Variants in PCLO observed in about 807,000 individuals in gnomAD.
PCLO encodes protein piccolo.
Under a neutral mutation model 427.5 loss-of-function variants are expected in PCLO, and 82 were observed. The ratio of observed to expected loss-of-function variants is 0.19; its 90% CI spans 0.16 to 0.23. The LOEUF (loss-of-function observed/expected upper bound fraction) is 0.23, where lower values mean the gene tolerates loss of function less well. Among genes scored for constraint, PCLO ranks in the 10% least tolerant of loss-of-function variants. PCLO has a pLI of 1.00. For synonymous variants in PCLO, 2,357 were observed against 2,155.4 expected (o/e 1.09, Z -2.59); for missense variants, 6,239 against 6,115.9 (o/e 1.02, Z -0.67).
chr7:83,075,355 T>G (rs2116372870), intron 3 of PCLO, among the ~76,000 whole-genome samples: 1 of 152,288 alleles, frequency 6.6e-6, no homozygotes, highest in Middle Eastern at 3.4e-3. Context: ...TCTGAGGACC[T>G]CAGTGAGATT....
chr7:82,978,835 AACACACACACACACACACACAAAC>A (rs1215515705), intron 3 of PCLO, among the ~76,000 whole-genome samples: 21 of 129,812 alleles, frequency 1.6e-4, no homozygotes, highest in African/African-American at 6.0e-4. Context: ...AGGAACAAGA[AACACACACACACACACACACAAAC>A]ACACACACAC....
intron 3 of PCLO, among the ~76,000 whole-genome samples, chr7:83,102,244 TATCTC>T (rs1790755140): frequency 2.0e-5 from 3 of 151,034 alleles, no homozygotes; most frequent in Admixed American, 6.7e-5. Flanking sequence ...ATTATTTACA[TATCTC>T]ATGACCTCAA....
At chr7:82,791,719 G>A (rs1023045178) in intron 22 of PCLO, among the ~76,000 whole-genome samples, 2 of 151,566 alleles carry the variant, frequency 1.3e-5, no homozygotes, top group African/African-American at 4.9e-5. Context: ...GTTGACCAAG[G>A]GCTTCTTTTC....
At position 82,915,094 on chromosome 7, in the gene PCLO, C is replaced by CAGAGGAAGGTCT; in HGVS notation, c.12880_12891dup (p.Arg4294_Ser4297dup). 6.2e-7 allele frequency: 1 copy of CAGAGGAAGGTCT among 1,600,816 alleles called. No individual in the cohort carries two copies. The highest frequency in any genetic ancestry group is 8.5e-7 in the Non-Finnish European group (1 of 1,173,048). On this transcript the variant is annotated inframe_insertion, in exon 7 of 25. Coordinates refer to ENST00000333891, the MANE Select transcript of PCLO (RefSeq NM_033026.6). ...TTAATTGATAAATCAAGCCCATAGA[C>CAGAGGAAGGTCT]AGAGGAAGGTCTGGAGGAAGGTCTG... is the stretch of plus-strand genomic sequence containing the variant.
Position 83,024,155 on chromosome 7 carries a change from G to A in PCLO, c.3301-57668C>T, listed in dbSNP as rs138592301. Among the ~76,000 whole-genome samples, 1,337 of 152,308 alleles carry A rather than the reference G, an allele frequency of 8.8e-3. 13 individuals carry two copies. Among genetic ancestry groups the A allele is most frequent in the African/African-American group, 0.029 (1,211 of 41,578 alleles). ...GTCTACAGCTCCCAGCGTGAGCGAC[G>A]CAGAAGACGGGTGATTTCTGCATTT... On this transcript the variant is annotated intron_variant, in intron 3 of 24. Transcript: ENST00000333891.
In PCLO at chr7:83,162,537, G is replaced by T. The variant is rs1442186330; in HGVS notation, c.56C>A (p.Ala19Asp). 6.4e-7 allele frequency: 1 copy of T among 1,553,182 alleles called. No homozygotes were observed. The highest frequency in any genetic ancestry group is 8.7e-7 in the Non-Finnish European group (1 of 1,149,738). ...GEGLPEGLAA[A>D]AAAGGGASGA... The stretch of plus-strand genomic sequence containing the variant: ...GCTAGCTCCTCCTCCAGCCGCTGCG[G>T]CCGCCGCCAGCCCTTCGGGGAGCCC... Residue 19 changes from alanine (A) to aspartate (D), a missense_variant, in exon 1 of 25, where the codon GCC becomes GAC. By Grantham distance (126) the Ala-to-Asp change is moderately radical. Transcript: ENST00000333891.
intron 20 of PCLO, among the ~76,000 whole-genome samples, chr7:82,815,189 T>C (rs1791652381): frequency 6.6e-6 from 1 of 151,974 alleles, no homozygotes; most frequent in South Asian, 2.1e-4. Flanking sequence ...CTATTTTTGG[T>C]TAAAAACGAA....
chr7:83,021,625 A>G (rs1788345438), intron 3 of PCLO, among the ~76,000 whole-genome samples: 1 of 152,150 alleles, frequency 6.6e-6, no homozygotes. Context: ...TTCCTGATAT[A>G]ATTACCAGCA....
Position 82,915,605 on chromosome 7 carries a change from C to A in PCLO, c.12381G>T (p.Gln4127His). The A allele has an allele frequency of 1.2e-6, 2 of 1,613,512 alleles. No individual in the cohort carries two copies. Among genetic ancestry groups the A allele is most frequent in the Non-Finnish European group, 1.7e-6 (2 of 1,179,650 alleles). The change falls in exon 7 of 25, where the codon CAG (glutamine) becomes CAT (histidine). Residue 4127 changes from glutamine (Q) to histidine (H), a missense_variant. Around this residue, in one of 5 missense-constraint regions of PCLO, gnomAD observed 680 missense variants for 677.3 expected, o/e 1.00. Transcript: ENST00000333891. ...DPYELKLLKH[Q>H]IKQEFRRGTE... ...TCCCTCTACGAAATTCCTGTTTAAT[C>A]TGATGTTTCAGAAGCTTTAACTCGT...
intron 1 of PCLO, among the ~76,000 whole-genome samples, chr7:83,157,552 C>T (rs2116698160): frequency 6.6e-6 from 1 of 151,776 alleles, no homozygotes; most frequent in South Asian, 2.1e-4. Context: ...AAACATGATA[C>T]ATTTTAAATG....
intron 7 of PCLO, among the ~76,000 whole-genome samples, chr7:82,910,153 TA>T (rs1438591460): frequency 2.0e-5 from 3 of 152,066 alleles, no homozygotes; most frequent in Non-Finnish European, 4.4e-5. Flanking sequence ...GCTTATCCTT[TA>T]AAGATTTGTT....
At chr7:82,808,753 A>C (rs943152672) in intron 20 of PCLO, among the ~76,000 whole-genome samples, 2 of 151,946 alleles carry the variant, frequency 1.3e-5, no homozygotes, top group Non-Finnish European at 2.9e-5. Context: ...AATTCAAATG[A>C]ATCTAGTTAT....
At chr7:83,104,259 T>C (rs1790801352) in intron 3 of PCLO, among the ~76,000 whole-genome samples, 1 of 152,020 alleles carries the variant, frequency 6.6e-6, no homozygotes, top group Non-Finnish European at 1.5e-5. Flanking sequence ...CACAAGTAAA[T>C]TCAAAAGTCT....
chr7:82,786,289 T>C (rs1277984283), intron 22 of PCLO, among the ~76,000 whole-genome samples: 1 of 151,918 alleles, frequency 6.6e-6, no homozygotes, highest in Non-Finnish European at 1.5e-5. Flanking sequence ...GGAGAAGAAA[T>C]TTACAGGTTA....
intron 3 of PCLO, among the ~76,000 whole-genome samples, chr7:83,106,876 C>T (rs2116507095): frequency 6.6e-6 from 1 of 152,110 alleles, no homozygotes; most frequent in African/African-American, 2.4e-5. Flanking sequence ...TAGTGACATT[C>T]AAAAATTCTG....
chr7:82,868,139 C>T (rs1468080836), intron 10 of PCLO: 2 of 456,670 alleles, frequency 4.4e-6, no homozygotes, highest in Non-Finnish European at 8.8e-6. Flanking sequence ...AACAAGGAAG[C>T]TCACTCATCT....
At chr7:82,841,429 A>G in intron 14 of PCLO, 30 bp downstream of exon 14, 1 of 1,469,062 alleles carries the variant, frequency 6.8e-7, no homozygotes, top group Non-Finnish European at 9.5e-7. Flanking sequence ...AAAAGGTTAT[A>G]TAATGGCGAC....
rs185714583 is a variant in PCLO, at chr7:82,803,481, C to T, written c.14934-1890G>A. ...GTGATACCCAGCCAGTCTTTGCTTT[C>T]AATTGAAACTGATTTTAACATAGGT... is the stretch of plus-strand genomic sequence containing the variant. On this transcript the variant is annotated intron_variant, in intron 21 of 24. Transcript: ENST00000333891. 2.9e-4 allele frequency among the ~76,000 whole-genome samples: 44 copies of T among 152,134 alleles called. 1 individual carries two copies. Among genetic ancestry groups the T allele is most frequent in the African/African-American group, 1.0e-3 (42 of 41,526 alleles).
Position 82,953,392 on chromosome 7 carries a change from T to C in PCLO, c.7561A>G (p.Thr2521Ala). ...APKPVIPQLP[T>A]TTQKPTDIHP... is the part of the protein sequence containing the mutation. The stretch of plus-strand genomic sequence containing the variant: ...ATATCTGTTGGTTTTTGTGTAGTTG[T>C]TGGAAGCTGAGGAATCACTGGTTTG... The change falls in exon 5 of 25, where the codon ACA becomes GCA. Residue 2521 changes from threonine to alanine, a missense_variant. Transcript: ENST00000333891. 1.2e-6 allele frequency: 2 copies of C among 1,613,632 alleles called. No individual in the cohort carries two copies. Among genetic ancestry groups the C allele is most frequent in the South Asian group, 1.1e-5 (1 of 91,062 alleles).
Sources: gnomAD v4.1 joint callset for allele counts (sites outside exome capture counted in the v4.1 genomes callset) on GRCh38, gnomAD v4.1.1 for gene constraint, gnomAD v4.1.1 regional missense constraint, MANE v1.5 for transcripts, NCBI Gene and HGNC (gene_info 2026-07-23, HGNC 2026-07-21) for gene names.